TGFB1: variants seen among roughly 807,000 people sequenced by gnomAD.
TGFB1 encodes transforming growth factor beta-1 proprotein.
Under a neutral mutation model 43.8 loss-of-function variants are expected in TGFB1, and 19 were observed. The observed-to-expected ratio is 0.43, with a 90% CI of 0.30 to 0.64. TGFB1 has a LOEUF of 0.64. TGFB1 is among the 30% of genes least tolerant of loss of function. TGFB1 has a pLI of 0.11. For missense variants in TGFB1, 445 were observed against 529.8 expected (o/e 0.84, Z 1.57); for synonymous variants, 221 against 236.3 (o/e 0.94, Z 0.60).
intron 5 of TGFB1, among the ~76,000 whole-genome samples, chr19:41,334,587 CA>C (rs1431335325): frequency 1.3e-5 from 2 of 151,768 alleles, no homozygotes; most frequent in African/African-American, 4.8e-5. Context: ...GAGGCTAGGG[CA>C]GGCAGACTTG....
intron 2 of TGFB1, among the ~76,000 whole-genome samples, chr19:41,347,090 A>T (rs2038124671): frequency 6.6e-6 from 1 of 151,772 alleles, no homozygotes; most frequent in Non-Finnish European, 1.5e-5. Flanking sequence ...TGGTGCAATC[A>T]CAGTTCACTA....
Position 41,341,906 on chromosome 19 carries a change from G to T in TGFB1, c.837C>A (p.Ala279=), listed in dbSNP as rs1025241895. ...QHLQSSRHRR[A]LDTNYCFSST... ...ACCTGAAGCAATAGTTGGTGTCCAG[G>T]GCTCGGCGGTGCCGGGAGCTTTGCA... Residue 279 remains alanine, a synonymous_variant, in exon 5 of 7, where the codon GCC becomes GCA. Transcript: ENST00000221930. 1.2e-6 allele frequency: 2 copies of T among 1,613,748 alleles called. No homozygotes were observed. The highest frequency in any genetic ancestry group is 1.3e-5 in the African/African-American group (1 of 74,928).
rs149138756 is a variant in TGFB1 at position 41,352,671 on chromosome 19, C to G, written c.355+19G>C. 1.9e-6 allele frequency: 3 copies of G among 1,611,964 alleles called. No individual in the cohort carries two copies. On this transcript the variant is annotated intron_variant, in intron 1 of 6. Coordinates refer to ENST00000221930, the MANE Select transcript of TGFB1 (RefSeq NM_000660.7). ...CCCTGGGGGCCCCCCTCCCGGCTCC[C>G]CTGCCCCTCCGAGCTCACCGTTGTG...
intron 5 of TGFB1, among the ~76,000 whole-genome samples, chr19:41,340,976 A>G (rs111268243): frequency 1.3e-5 from 2 of 152,144 alleles, no homozygotes; most frequent in Non-Finnish European, 2.9e-5. Flanking sequence ...GTGACCTTCC[A>G]ACTTTGAATT....
intron 5 of TGFB1, among the ~76,000 whole-genome samples, chr19:41,340,813 T>C (rs894647417): frequency 6.6e-6 from 1 of 152,206 alleles, no homozygotes; most frequent in Non-Finnish European, 1.5e-5. Context: ...TGGGCCATCT[T>C]CCCATTTTGA....
At chr19:41,343,647 C>T (rs1233850748) in intron 3 of TGFB1, among the ~76,000 whole-genome samples, 1 of 152,138 alleles carries the variant, frequency 6.6e-6, no homozygotes, top group African/African-American at 2.4e-5. Flanking sequence ...CATTCTTGAT[C>T]ATTCTAGGTC....
At chr19:41,338,843 A>C (rs1289771785) in intron 5 of TGFB1, among the ~76,000 whole-genome samples, 1 of 152,092 alleles carries the variant, frequency 6.6e-6, no homozygotes, top group African/African-American at 2.4e-5. Flanking sequence ...TCCAAAAAAA[A>C]AAAAAAGTAT....
At chr19:41,341,842 C>G in intron 5 of TGFB1, 41 bp downstream of exon 5, 2 of 1,611,852 alleles carry the variant, frequency 1.2e-6, no homozygotes, top group Non-Finnish European at 1.7e-6. Flanking sequence ...GGCAGTCATG[C>G]CCCCAGCCTG....
chr19:41,348,907 C>T (rs912936146), intron 1 of TGFB1, among the ~76,000 whole-genome samples: 1 of 152,072 alleles, frequency 6.6e-6, no homozygotes, highest in Admixed American at 6.6e-5. Context: ...CAGGTGTGAG[C>T]CACCACGCCC....
At chr19:41,335,570 C>G (rs181072225) in intron 5 of TGFB1, among the ~76,000 whole-genome samples, 8 of 152,288 alleles carry the variant, frequency 5.3e-5, no homozygotes, top group African/African-American at 1.9e-4. Context: ...AACAACAGTC[C>G]GTGTTGAACA....
At chr19:41,331,878 T>G (rs528868190) in intron 6 of TGFB1, among the ~76,000 whole-genome samples, 2 of 151,814 alleles carry the variant, frequency 1.3e-5, no homozygotes, top group South Asian at 4.2e-4. Context: ...CTTCTCCCCT[T>G]CACCCCCATC....
chr19:41,339,949 A>G, intron 5 of TGFB1, among the ~76,000 whole-genome samples: 1 of 152,180 alleles, frequency 6.6e-6, no homozygotes. Flanking sequence ...AAGCCCAGAG[A>G]CAGGACCAAA....
chr19:41,331,526 C>T (rs1356696115), intron 6 of TGFB1, among the ~76,000 whole-genome samples: 1 of 149,718 alleles, frequency 6.7e-6, no homozygotes, highest in African/African-American at 2.5e-5. Flanking sequence ...CCTCAGCCTC[C>T]GGAGTAGCTC....
intron 5 of TGFB1, among the ~76,000 whole-genome samples, chr19:41,337,705 C>G (rs2123089759): frequency 6.6e-6 from 1 of 152,238 alleles, no homozygotes; most frequent in East Asian, 1.9e-4. Context: ...TTACAAAATT[C>G]ACCACTTACA....
chr19:41,335,306 G>A (rs1017009550), intron 5 of TGFB1, among the ~76,000 whole-genome samples: 3 of 151,946 alleles, frequency 2.0e-5, no homozygotes, highest in Admixed American at 6.6e-5. Context: ...CACCCACCTC[G>A]GCCTCCCAAA....
intron 2 of TGFB1, among the ~76,000 whole-genome samples, chr19:41,347,018 G>T (rs1038423684): frequency 2.0e-5 from 3 of 150,512 alleles, no homozygotes; most frequent in African/African-American, 4.9e-5. Flanking sequence ...GAGCCACCAC[G>T]CCTGGCCTAT....
rs191632728 is a variant in TGFB1 at position 41,347,993 on chromosome 19, G to T, written c.516+302C>A. 2.4e-3 allele frequency among the ~76,000 whole-genome samples: 351 copies of T among 147,280 alleles called. 5 individuals carry two copies. Among genetic ancestry groups the T allele is most frequent in the African/African-American group, 9.1e-3 (339 of 37,192 alleles). ...CCAAAAATACAAAAATTAGCTGGGCGTGGTGGCGCACACCTGTAATCCCAG... is the reference window on the plus strand; with the variant it reads ...CCAAAAATACAAAAATTAGCTGGGCTTGGTGGCGCACACCTGTAATCCCAG... On this transcript the variant is annotated intron_variant, in intron 2 of 6. Transcript: ENST00000221930.
In TGFB1 at chr19:41,353,351, C is replaced by CG; in HGVS notation, c.-308dup. 3.1e-6 allele frequency: 1 copy of CG among 322,820 alleles called. No homozygotes were observed. The highest frequency in any genetic ancestry group is 5.7e-6 in the Non-Finnish European group (1 of 175,568). The allele number at this position is 322,820 out of a possible 1,614,324, so 20.0% of individuals were successfully genotyped here. On this transcript the variant is annotated 5_prime_UTR_variant, in exon 1 of 7. Transcript: ENST00000221930. This position sits in a 1 kb window ranked among gnomAD's most constrained non-coding sequence, Gnocchi z 5.9. ...TGGAGGAGAAAGGGTCTAGGATGCG[C>CG]GGGGGCTCAGGAGACAGGCCGGGGA...
chr19:41,338,509 A>AAG (rs1555753428), intron 5 of TGFB1, among the ~76,000 whole-genome samples: 3 of 150,742 alleles, frequency 2.0e-5, no homozygotes, highest in Non-Finnish European at 3.0e-5. Context: ...AAAAAAAAAA[A>AAG]GGGGATATAG....
Sources: gnomAD v4.1 joint callset for allele counts (sites outside exome capture counted in the v4.1 genomes callset) on GRCh38, gnomAD v4.1.1 for gene constraint, Gnocchi (gnomAD v3.1) non-coding constraint, MANE v1.5 for transcripts, NCBI Gene and HGNC (gene_info 2026-07-23, HGNC 2026-07-21) for gene names.